PTPRD: variants seen among roughly 807,000 people sequenced by gnomAD.
The protein encoded by PTPRD is receptor-type tyrosine-protein phosphatase delta.
In PTPRD, 34 loss-of-function variants were observed where a neutral mutation model predicts 214.5. The observed-to-expected ratio is 0.16, with a 90% CI of 0.12 to 0.21. The LOEUF (loss-of-function observed/expected upper bound fraction) is 0.21. PTPRD is among the 10% of genes least tolerant of loss of function. The probability of loss-of-function intolerance (pLI) is 1.00; values close to 1 mark genes in which losing one functional copy is unlikely to be tolerated. For missense variants in PTPRD, 2,545 were observed against 2,398.7 expected, an observed-to-expected ratio of 1.06 and a Z score of -1.27; for synonymous variants, 1,128 against 845.7, an observed-to-expected ratio of 1.33 and a Z score of -5.79.
chr9:8,757,209 T>C (rs2094059977), intron 11 of PTPRD, among the ~76,000 whole-genome samples: 1 of 152,144 alleles, frequency 6.6e-6, no homozygotes, highest in Non-Finnish European at 1.5e-5. Flanking sequence ...TGCTAATACA[T>C]GTTAGACAAA....
At chr9:10,358,328 G>C (rs1045469429) in intron 2 of PTPRD, among the ~76,000 whole-genome samples, 1 of 151,944 alleles carries the variant, frequency 6.6e-6, no homozygotes, top group Admixed American at 6.6e-5. Flanking sequence ...AATGCATGGT[G>C]AACCTATTTG....
chr9:9,198,203 T>G (rs2099939766), intron 9 of PTPRD, among the ~76,000 whole-genome samples: 1 of 152,186 alleles, frequency 6.6e-6, no homozygotes, highest in African/African-American at 2.4e-5. Context: ...TGGCTTTGCA[T>G]TTCTTTAATC....
At chr9:9,516,282 T>C (rs986164242) in intron 8 of PTPRD, among the ~76,000 whole-genome samples, 1 of 152,010 alleles carries the variant, frequency 6.6e-6, no homozygotes, top group Non-Finnish European at 1.5e-5. Context: ...TAAAAGAACA[T>C]ATTGTAATGG....
intron 10 of PTPRD, among the ~76,000 whole-genome samples, chr9:9,183,003 A>G (rs938556386): frequency 6.6e-6 from 1 of 151,952 alleles, no homozygotes; most frequent in Non-Finnish European, 1.5e-5. Flanking sequence ...TTCAATTCAG[A>G]AATTTAACCG....
intron 3 of PTPRD, among the ~76,000 whole-genome samples, chr9:10,199,533 C>A (rs1459193134): frequency 6.6e-6 from 1 of 152,114 alleles, no homozygotes; most frequent in South Asian, 2.1e-4. Context: ...ACAGTGAGAA[C>A]CCCCTGTGTT....
intron 8 of PTPRD, among the ~76,000 whole-genome samples, chr9:9,509,991 G>A (rs2096661753): frequency 6.6e-6 from 1 of 151,572 alleles, no homozygotes; most frequent in Non-Finnish European, 1.5e-5. Flanking sequence ...AGCAAGAAGA[G>A]TGAGAAATCA....
chr9:9,800,321 A>G (rs1199225792), intron 5 of PTPRD, among the ~76,000 whole-genome samples: 2 of 152,126 alleles, frequency 1.3e-5, no homozygotes, highest in Admixed American at 6.5e-5. Context: ...GGGACAGAGC[A>G]AGATCTTGTC....
At chr9:9,628,748 T>A (rs907507796) in intron 7 of PTPRD, among the ~76,000 whole-genome samples, 2 of 152,146 alleles carry the variant, frequency 1.3e-5, no homozygotes, top group Non-Finnish European at 2.9e-5. Flanking sequence ...GGTTTTTCCA[T>A]GATTATGTAA....
intron 3 of PTPRD, among the ~76,000 whole-genome samples, chr9:10,077,632 C>T (rs1016817025): frequency 1.3e-5 from 2 of 152,098 alleles, no homozygotes; most frequent in East Asian, 3.9e-4. Flanking sequence ...ATTTTTCAAT[C>T]TTCACCGTCC....
At chr9:9,701,093 G>C (rs1192866183) in intron 7 of PTPRD, among the ~76,000 whole-genome samples, 1 of 151,784 alleles carries the variant, frequency 6.6e-6, no homozygotes, top group Non-Finnish European at 1.5e-5. Flanking sequence ...ATGTTGGGAA[G>C]ATATTAAAGA....
intron 7 of PTPRD, among the ~76,000 whole-genome samples, chr9:9,725,336 C>A (rs2098065821): frequency 6.6e-6 from 1 of 150,916 alleles, no homozygotes; most frequent in Non-Finnish European, 1.5e-5. Context: ...TTGCCTGCTG[C>A]CATCCATGTA....
intron 11 of PTPRD, among the ~76,000 whole-genome samples, chr9:8,855,149 T>C (rs750064583): frequency 2.0e-5 from 3 of 151,078 alleles, no homozygotes; most frequent in Admixed American, 1.3e-4. Context: ...TTTTTTAATG[T>C]CTCTCTAGGA....
intron 39 of PTPRD, among the ~76,000 whole-genome samples, chr9:8,370,082 G>A (rs10758965): frequency 0.56 from 85,208 of 151,662 alleles, 27,491 homozygotes; most frequent in Non-Finnish European, 0.74. Context: ...ATAGGAAAAT[G>A]TAATCCATGA....
At chr9:9,087,660 G>T (rs894111463) in intron 10 of PTPRD, among the ~76,000 whole-genome samples, 1 of 152,084 alleles carries the variant, frequency 6.6e-6, no homozygotes, top group Non-Finnish European at 1.5e-5. Flanking sequence ...TGGAAAACAT[G>T]GGGAAGTGAA....
At chr9:10,213,234 C>T (rs540138387) in intron 3 of PTPRD, among the ~76,000 whole-genome samples, 1 of 152,128 alleles carries the variant, frequency 6.6e-6, no homozygotes, top group South Asian at 2.1e-4. Flanking sequence ...ATTGTATTCA[C>T]TAGATGGCAG....
chr9:8,954,308 A>G (rs2099119602), intron 11 of PTPRD, among the ~76,000 whole-genome samples: 2 of 151,960 alleles, frequency 1.3e-5, no homozygotes, highest in South Asian at 2.1e-4. Context: ...ACACATGAAC[A>G]TAAAAAAAGG....
intron 9 of PTPRD, among the ~76,000 whole-genome samples, chr9:9,310,962 T>TAACA (rs1555212743): frequency 1.0e-4 from 15 of 149,744 alleles, no homozygotes; most frequent in African/African-American, 3.5e-4. Flanking sequence ...AATAAATAAA[T>TAACA]AACATTCTCG....
intron 9 of PTPRD, among the ~76,000 whole-genome samples, chr9:9,264,248 A>T (rs1937918042): frequency 6.6e-6 from 1 of 151,764 alleles, no homozygotes; most frequent in East Asian, 2.0e-4. Flanking sequence ...AATTCAAAAT[A>T]ATTGTTTTAA....
At chr9:9,090,274 T>G (rs2099773682) in intron 10 of PTPRD, among the ~76,000 whole-genome samples, 1 of 152,166 alleles carries the variant, frequency 6.6e-6, no homozygotes, top group Non-Finnish European at 1.5e-5. Flanking sequence ...TAAGGTACAC[T>G]TTTTTAGCCC....
Sources: allele counts gnomAD v4.1 joint callset (sites outside exome capture counted in the v4.1 genomes callset), GRCh38; gene constraint gnomAD v4.1.1; transcripts MANE v1.5; gene names NCBI Gene and HGNC (gene_info 2026-07-23, HGNC 2026-07-21).